Variants in ANO2 observed in about 807,000 individuals in gnomAD.
ANO2 encodes anoctamin 2, also known as anoctamin-2.
ANO2 carries 101 observed loss-of-function variants against 124.2 expected under a neutral mutation model. The ratio of observed to expected loss-of-function variants is 0.81; its 90% confidence interval spans 0.69 to 0.96. The LOEUF (loss-of-function observed/expected upper bound fraction) is 0.96. ANO2 is among the 40% of genes least tolerant of loss of function. The probability of loss-of-function intolerance (pLI) is 0.00; values close to 1 mark genes in which losing one functional copy is unlikely to be tolerated. For synonymous variants in ANO2, 486 were observed against 482.5 expected (o/e 1.01, Z -0.09); for missense variants, 1,293 against 1,274.5 (o/e 1.01, Z -0.22).
At chr12:5,640,659 T>C (rs1284414593) in intron 15 of ANO2, among the ~76,000 whole-genome samples, 3 of 152,072 alleles carry the variant, frequency 2.0e-5, no homozygotes, top group Non-Finnish European at 2.9e-5. Flanking sequence ...GAAATGCAAA[T>C]CAAAACCACA....
intron 3 of ANO2, among the ~76,000 whole-genome samples, chr12:5,877,916 G>A (rs1012419913): frequency 1.3e-5 from 2 of 152,232 alleles, no homozygotes; most frequent in African/African-American, 4.8e-5. Flanking sequence ...GTGAGTGATG[G>A]GGAGTGGCTG....
chr12:5,731,902 G>A lies in ANO2; in HGVS notation c.1545+618C>T, dbSNP rs116228987. ...ATGTATTTGCCACTGCAGGCCCTAA[G>A]AGCCATTTCTTGTTCTATCCTTTGA... On this transcript the variant is annotated intron_variant, in intron 14 of 24. Transcript: ENST00000682330. 4.7e-3 allele frequency among the ~76,000 whole-genome samples: 718 copies of A among 152,262 alleles called. 6 individuals carry two copies. Among genetic ancestry groups the A allele is most frequent in the African/African-American group, 0.016 (652 of 41,544 alleles).
intron 14 of ANO2, among the ~76,000 whole-genome samples, chr12:5,673,867 A>G (rs1163871778): frequency 6.6e-6 from 1 of 152,196 alleles, no homozygotes; most frequent in Non-Finnish European, 1.5e-5. Flanking sequence ...TATTCAGTCC[A>G]GCCCATGGAC....
At position 5,798,617 on chromosome 12, in the gene ANO2, C is replaced by T. The variant is rs1952944476; in HGVS notation, c.1055+890G>A. Among the ~76,000 whole-genome samples, 2 of 152,226 alleles carry T rather than the reference C, an allele frequency of 1.3e-5. 1 individual carries two copies. Among genetic ancestry groups the T allele is most frequent in the South Asian group, 4.1e-4 (2 of 4,826 alleles). On this transcript the variant is annotated intron_variant, in intron 10 of 24. Transcript: ENST00000682330. ...TCCACCATGGAGCAGCCTCCTCCTG[C>T]AGGCTCCAGCGGCCCATCTTTTCCA...
chr12:5,629,695 C>G (rs1375259692), intron 16 of ANO2, among the ~76,000 whole-genome samples: 2 of 152,164 alleles, frequency 1.3e-5, no homozygotes, highest in African/African-American at 4.8e-5. Context: ...TTTGTCCCAC[C>G]CATCCACTGG....
At chr12:5,722,788 G>C (rs78572503) in intron 14 of ANO2, among the ~76,000 whole-genome samples, 1 of 152,152 alleles carries the variant, frequency 6.6e-6, no homozygotes, top group African/African-American at 2.4e-5. Context: ...GAATTTATAC[G>C]TGAATAAAAA....
intron 3 of ANO2, among the ~76,000 whole-genome samples, chr12:5,870,826 C>T (rs963099273): frequency 4.6e-5 from 7 of 152,202 alleles, no homozygotes; most frequent in Non-Finnish European, 1.0e-4. Context: ...TTGGTACTTG[C>T]TATCCTAAAC....
chr12:5,714,527 A>C (rs183618508), intron 14 of ANO2, among the ~76,000 whole-genome samples: 1 of 152,320 alleles, frequency 6.6e-6, no homozygotes, highest in East Asian at 1.9e-4. Flanking sequence ...TATGGGATAA[A>C]GGCTAAAAAA....
In ANO2 at chr12:5,787,381, A is replaced by G. The variant is rs1952568438; in HGVS notation, c.1055+12126T>C. Among the ~76,000 whole-genome samples, 1 of 152,026 alleles carries G rather than the reference A, an allele frequency of 6.6e-6. No homozygotes were observed. The highest frequency in any genetic ancestry group is 1.5e-5 in the Non-Finnish European group (1 of 67,996). ...AAGCTCCTCCGTGACCTGGCTCCCCACAAGCATCTCCGCTACAGAGCTGAA... is the reference window on the plus strand; with the variant it reads ...AAGCTCCTCCGTGACCTGGCTCCCCGCAAGCATCTCCGCTACAGAGCTGAA... On this transcript the variant is annotated intron_variant, in intron 10 of 24. Transcript: ENST00000682330. The surrounding 1 kb of genome is among the most constrained non-coding windows in gnomAD (Gnocchi z 4.2).
chr12:5,778,008 C>T (rs1052411233), intron 10 of ANO2, among the ~76,000 whole-genome samples: 4 of 152,156 alleles, frequency 2.6e-5, no homozygotes, highest in Non-Finnish European at 4.4e-5. Context: ...TGGAACAGAA[C>T]GGCTTCTATT....
chr12:5,627,965 T>A (rs143071189), intron 16 of ANO2, among the ~76,000 whole-genome samples: 54 of 151,954 alleles, frequency 3.6e-4, no homozygotes, highest in Middle Eastern at 3.4e-3. Flanking sequence ...CCAGATGCTG[T>A]GGCACACACC....
At chr12:5,647,699 C>T (rs759477826) in intron 15 of ANO2, 28 bp downstream of exon 15, 1 of 1,563,086 alleles carries the variant, frequency 6.4e-7, no homozygotes, top group South Asian at 1.1e-5. Flanking sequence ...CATGCAGTCA[C>T]AGGCAAGTGG....
At chr12:5,701,689 C>T (rs1015525016) in intron 14 of ANO2, among the ~76,000 whole-genome samples, 32 of 152,224 alleles carry the variant, frequency 2.1e-4, no homozygotes, top group African/African-American at 7.5e-4. Flanking sequence ...AGCTTTCTCA[C>T]CACTCCTTAG....
At position 5,907,636 on chromosome 12, in the gene ANO2, G is replaced by GAAAA. The variant is rs549099501; in HGVS notation, c.534+13400_534+13403dup. On this transcript the variant is annotated intron_variant, in intron 3 of 24. Coordinates refer to ENST00000682330, the MANE Select transcript of ANO2 (RefSeq NM_001364791.2). ...ATTCAACTCAGCCCATAAAGAGGGG[G>GAAAA]AAAAAAAAAGGAAAATTGAAGCACA... is the stretch of plus-strand genomic sequence containing the variant. Among the ~76,000 whole-genome samples the GAAAA allele has an allele frequency of 7.3e-3, 1,109 of 150,950 alleles. 15 individuals are homozygous for GAAAA. The highest frequency in any genetic ancestry group is 0.025 in the African/African-American group (1,045 of 41,148).
At chr12:5,852,847 ACGTG>A (rs1482776699) in intron 4 of ANO2, among the ~76,000 whole-genome samples, 21 of 48,850 alleles carry the variant, frequency 4.3e-4, no homozygotes, top group African/African-American at 1.5e-3. Context: ...ATGGAAAGGG[ACGTG>A]TGTGTGTGTG....
intron 14 of ANO2, among the ~76,000 whole-genome samples, chr12:5,664,376 C>A (rs1159007134): frequency 4.6e-5 from 7 of 152,190 alleles, no homozygotes; most frequent in Middle Eastern, 3.4e-3. Context: ...TCCATCCATC[C>A]ATCCATTCAT....
rs1219066183 is a variant in ANO2 at position 5,769,679 on chromosome 12, A to G, written c.1056-18709T>C. Among the ~76,000 whole-genome samples the G allele has an allele frequency of 6.6e-6, 1 of 152,156 alleles. No homozygotes were observed. Among genetic ancestry groups the G allele is most frequent in the East Asian group, 1.9e-4 (1 of 5,190 alleles). On this transcript the variant is annotated intron_variant, in intron 10 of 24. Coordinates refer to ENST00000682330, the MANE Select transcript of ANO2 (RefSeq NM_001364791.2). The surrounding 1 kb of genome is among the most constrained non-coding windows in gnomAD (Gnocchi z 4.0). ...TAACAGCCACACCTCCCCATCCAGA[A>G]GGAGAGGAAGATCTCAGAGTAAAAT... is the stretch of plus-strand genomic sequence containing the variant.
intron 3 of ANO2, among the ~76,000 whole-genome samples, chr12:5,888,540 G>A (rs1251602189): frequency 6.6e-6 from 1 of 152,134 alleles, no homozygotes; most frequent in Non-Finnish European, 1.5e-5. Context: ...TTGACAGGGT[G>A]CTGACTGGTG....
intron 14 of ANO2, among the ~76,000 whole-genome samples, chr12:5,673,252 AC>A (rs1948092579): frequency 1.3e-5 from 2 of 152,350 alleles, no homozygotes; most frequent in South Asian, 4.1e-4. Flanking sequence ...ACTAGATGAC[AC>A]CATGCAGTAG....
Sources: gnomAD v4.1 joint callset for allele counts (sites outside exome capture counted in the v4.1 genomes callset) on GRCh38, gnomAD v4.1.1 for gene constraint, Gnocchi (gnomAD v3.1) non-coding constraint, MANE v1.5 for transcripts, NCBI Gene and HGNC (gene_info 2026-07-23, HGNC 2026-07-21) for gene names.